Variants in RBFOX3 observed in about 807,000 individuals in gnomAD.
RBFOX3 encodes the protein RNA binding protein fox-1 homolog 3.
Under a neutral mutation model 48.7 loss-of-function variants are expected in RBFOX3, and 17 were observed. The observed-to-expected ratio is 0.35, with a 90% CI of 0.24 to 0.52. The LOEUF (loss-of-function observed/expected upper bound fraction) is 0.52, where lower values mean the gene tolerates loss of function less well. RBFOX3 is among the 20% of genes least tolerant of loss of function. RBFOX3 has a pLI of 0.94. For missense variants in RBFOX3, 382 were observed against 497.5 expected, an observed-to-expected ratio of 0.77 and a Z score of 2.21; for synonymous variants, 212 against 209.5, an observed-to-expected ratio of 1.01 and a Z score of -0.10.
intron 4 of RBFOX3, among the ~76,000 whole-genome samples, chr17:79,193,561 A>G (rs1346459574): frequency 6.6e-6 from 1 of 152,204 alleles, no homozygotes; most frequent in Non-Finnish European, 1.5e-5. Flanking sequence ...GGATTTTCAA[A>G]TTATTGCTAC....
At chr17:79,100,079 CCT>C (rs955076945) in intron 9 of RBFOX3, 3 of 152,268 alleles carry the variant, frequency 2.0e-5, no homozygotes, top group African/African-American at 7.2e-5. Context: ...CCCTCCATTC[CCT>C]GATGTTTCAC....
intron 8 of RBFOX3, 100 bp from the exon 9 acceptor site, chr17:79,101,744 C>T: frequency 9.3e-7 from 1 of 1,071,530 alleles, no homozygotes; most frequent in Non-Finnish European, 1.4e-6. Context: ...CCCCCGGCAC[C>T]CCCCGCCCCA....
intron 2 of RBFOX3, among the ~76,000 whole-genome samples, chr17:79,366,036 C>T (rs1003781459): frequency 2.6e-5 from 4 of 152,244 alleles, no homozygotes; most frequent in Non-Finnish European, 4.4e-5. Context: ...ATGCTTCTGC[C>T]CACAGGGGAC....
At chr17:79,344,284 A>T (rs1488461934) in intron 2 of RBFOX3, among the ~76,000 whole-genome samples, 1 of 152,240 alleles carries the variant, frequency 6.6e-6, no homozygotes, top group Non-Finnish European at 1.5e-5. Context: ...GGGAAATTTT[A>T]ACTGGCTAAT....
chr17:79,497,157 G>T (rs1186139255), intron 1 of RBFOX3, among the ~76,000 whole-genome samples: 1 of 152,058 alleles, frequency 6.6e-6, no homozygotes, highest in African/African-American at 2.4e-5. Context: ...CCTCCCCCTG[G>T]CCCCATGACT....
intron 2 of RBFOX3, among the ~76,000 whole-genome samples, chr17:79,444,561 T>C (rs1182199173): frequency 6.6e-6 from 1 of 152,016 alleles, no homozygotes; most frequent in African/African-American, 2.4e-5. Context: ...TCTCCACCAC[T>C]TCCTCTGGGC....
Position 79,380,937 on chromosome 17 carries a change from T to A in RBFOX3, c.-174-73113A>T, listed in dbSNP as rs1428135387. The stretch of plus-strand genomic sequence containing the variant: ...TGGAAATGCAAGGGAGCCACACATA[T>A]AATTTTATATTTCCCAGTAGTCACA... On this transcript the variant is annotated intron_variant, in intron 2 of 14. Transcript: ENST00000693108. 2.6e-5 allele frequency among the ~76,000 whole-genome samples: 4 copies of A among 152,316 alleles called. No homozygotes were observed. The East Asian group carries it at 5.8e-4, about 22-fold the overall frequency.
intron 4 of RBFOX3, among the ~76,000 whole-genome samples, chr17:79,170,369 C>A (rs909862970): frequency 6.6e-6 from 1 of 152,064 alleles, no homozygotes; most frequent in African/African-American, 2.4e-5. Flanking sequence ...ACCTGAGAGT[C>A]CCCTGCCAGG....
chr17:79,566,112 G>A (rs965584109), intron 1 of RBFOX3, among the ~76,000 whole-genome samples: 3 of 152,120 alleles, frequency 2.0e-5, no homozygotes, highest in African/African-American at 7.2e-5. Flanking sequence ...CGCCCCATCC[G>A]AGACATCAGC....
chr17:79,512,838 TCGGC>T (rs2084608410), intron 1 of RBFOX3, among the ~76,000 whole-genome samples: 1 of 143,496 alleles, frequency 7.0e-6, no homozygotes, highest in Non-Finnish European at 1.5e-5. Flanking sequence ...CGTGTTACCA[TCGGC>T]TACGGCCCCA....
chr17:79,427,246 G>C (rs1447432863), intron 2 of RBFOX3, among the ~76,000 whole-genome samples: 1 of 152,238 alleles, frequency 6.6e-6, no homozygotes, highest in Non-Finnish European at 1.5e-5. Context: ...TGCGGCCAGG[G>C]AGGCTCCATT....
At chr17:79,181,476 T>C (rs1230469159) in intron 4 of RBFOX3, among the ~76,000 whole-genome samples, 2 of 152,216 alleles carry the variant, frequency 1.3e-5, no homozygotes, top group Non-Finnish European at 2.9e-5. Context: ...TTTAGGGCAA[T>C]GGCCATGGCC....
chr17:79,498,175 G>A (rs2081839035), intron 1 of RBFOX3, among the ~76,000 whole-genome samples: 1 of 152,168 alleles, frequency 6.6e-6, no homozygotes, highest in Non-Finnish European at 1.5e-5. Context: ...GTTGACTCAG[G>A]GCCAGTTTTG....
intron 1 of RBFOX3, among the ~76,000 whole-genome samples, chr17:79,592,320 A>G (rs1276030149): frequency 2.7e-5 from 4 of 148,318 alleles, no homozygotes; most frequent in Admixed American, 1.3e-4. Flanking sequence ...ATGCCTGTGT[A>G]TGTGTGTGGT....
At position 79,423,347 on chromosome 17, in the gene RBFOX3, C is replaced by T. The variant is rs1035143479; in HGVS notation, c.-175+59107G>A. Among the ~76,000 whole-genome samples, 17 of 152,182 alleles carry T rather than the reference C, an allele frequency of 1.1e-4. No individual in the cohort carries two copies. Among genetic ancestry groups the T allele is most frequent in the African/African-American group, 4.1e-4 (17 of 41,440 alleles). ...AGCCAGGATGATTCTGCTTTCAATG[C>T]TTGTGCAGATCCTGCCGCACAGACC... On this transcript the variant is annotated intron_variant, in intron 2 of 14. Transcript: ENST00000693108. The surrounding 1 kb of genome is among the most constrained non-coding windows in gnomAD (Gnocchi z 4.9).
intron 3 of RBFOX3, among the ~76,000 whole-genome samples, chr17:79,304,535 C>T (rs1472864546): frequency 1.3e-5 from 2 of 151,668 alleles, no homozygotes; most frequent in Non-Finnish European, 2.9e-5. Context: ...AGATCACACA[C>T]ATCACACACG....
chr17:79,646,564 G>A, the RBFOX3 span, among the ~76,000 whole-genome samples: 1 of 152,162 alleles, frequency 6.6e-6, no homozygotes, highest in Non-Finnish European at 1.5e-5. Flanking sequence ...GCTGTTGTGA[G>A]ACTTATTCAC....
rs1338357029 is a variant in RBFOX3, at chr17:79,604,672, TA to T, written c.-320+6153del. On this transcript the variant is annotated intron_variant, in intron 1 of 14. Coordinates refer to ENST00000693108, the MANE Select transcript of RBFOX3 (RefSeq NM_001350451.2). Reference sequence around the variant, plus strand: ...CTAATTTGCATTAAGAGTTTGGAGCTATGAAAGTTTAGTGAGAAATGATTTC... The same window carrying T: ...CTAATTTGCATTAAGAGTTTGGAGCTTGAAAGTTTAGTGAGAAATGATTTC... Among the ~76,000 whole-genome samples, 6 of 152,356 alleles carry T rather than the reference TA, an allele frequency of 3.9e-5. No individual in the cohort carries two copies. In the East Asian group the frequency reaches 9.6e-4, roughly 24 times the overall value.
intron 5 of RBFOX3, 88 bp downstream of exon 5, chr17:79,115,405 AC>A: frequency 1.2e-6 from 1 of 818,910 alleles, no homozygotes; most frequent in Non-Finnish European, 1.7e-6. Context: ...CACCTGGTAC[AC>A]CTCATGCCCT....
Sources: gnomAD v4.1 joint callset for allele counts (sites outside exome capture counted in the v4.1 genomes callset) on GRCh38, gnomAD v4.1.1 for gene constraint, Gnocchi (gnomAD v3.1) non-coding constraint, MANE v1.5 for transcripts, NCBI Gene and HGNC (gene_info 2026-07-23, HGNC 2026-07-21) for gene names.